Variants in SUCO observed in about 807,000 individuals in gnomAD.
The protein encoded by SUCO is SUN domain-containing ossification factor.
In SUCO, 57 loss-of-function variants were observed where a neutral mutation model predicts 148.1. The ratio of observed to expected loss-of-function variants is 0.38; its 90% confidence interval spans 0.31 to 0.48. SUCO has a LOEUF of 0.48. Ranked by LOEUF, SUCO falls within the 20% of genes least tolerant of loss-of-function variation. The pLI is 0.96. For missense variants in SUCO, 1,331 were observed against 1,468.2 expected (o/e 0.91, Z 1.53); for synonymous variants, 470 against 502.7 (o/e 0.93, Z 0.87).
intron 1 of SUCO, among the ~76,000 whole-genome samples, chr1:172,548,766 G>C (rs1653058388): frequency 6.6e-6 from 1 of 151,914 alleles, no homozygotes; most frequent in African/African-American, 2.4e-5. Context: ...CTTCTTTTGA[G>C]GCTTTAGTTT....
intron 23 of SUCO, 74 bp from the exon 24 acceptor site, chr1:172,609,742 C>T: frequency 1.3e-6 from 2 of 1,524,464 alleles, no homozygotes; most frequent in Admixed American, 4.6e-5. Context: ...TCTCTATTAG[C>T]TCAGCTCTCT....
At position 172,592,892 on chromosome 1, in the gene SUCO, G is replaced by A. The variant is rs151064514; in HGVS notation, c.2913+1821G>A. 1.7e-3 allele frequency among the ~76,000 whole-genome samples: 258 copies of A among 152,190 alleles called. 1 individual carries two copies. In the East Asian group the frequency reaches 0.044, roughly 26 times the overall value. On this transcript the variant is annotated intron_variant, in intron 19 of 23. Coordinates refer to ENST00000263688, the MANE Select transcript of SUCO (RefSeq NM_014283.5). ...CAGTATGGCCATTTTCACGATATTG[G>A]TTCTTCCTACCCATGAACATGGGAT... is the stretch of plus-strand genomic sequence containing the variant.
intron 22 of SUCO, chr1:172,603,159 C>G (rs1250637290): frequency 5.9e-6 from 1 of 170,288 alleles, no homozygotes; most frequent in Non-Finnish European, 1.2e-5. Context: ...AGGTAGGACC[C>G]CTTTTGTCTC....
chr1:172,592,609 G>T (rs1656752747), intron 19 of SUCO, among the ~76,000 whole-genome samples: 1 of 152,114 alleles, frequency 6.6e-6, no homozygotes, highest in African/African-American at 2.4e-5. Context: ...TTATTTCTGA[G>T]GGTTCTGTTC....
chr1:172,600,029 T>C (rs1462667396), intron 19 of SUCO, 35 bp from the exon 20 acceptor site: 1 of 1,379,248 alleles, frequency 7.3e-7, no homozygotes, highest in East Asian at 2.5e-5. Flanking sequence ...AGTTTGTAGT[T>C]AATATTCAAA....
At chr1:172,608,466 T>C (rs370984097) in intron 22 of SUCO, 11 of 411,162 alleles carry the variant, frequency 2.7e-5, no homozygotes, top group African/African-American at 1.3e-4. Context: ...AGATCGTTAT[T>C]GTATTGGTTG....
chr1:172,558,236 A>G (rs556289745), intron 6 of SUCO, among the ~76,000 whole-genome samples: 1 of 152,314 alleles, frequency 6.6e-6, no homozygotes, highest in African/African-American at 2.4e-5. Flanking sequence ...TTTGTGTGCA[A>G]AATACAACCA....
In SUCO at chr1:172,539,027, G is replaced by A. The variant is rs193243335; in HGVS notation, c.62+5530G>A. 6.6e-5 allele frequency among the ~76,000 whole-genome samples: 10 copies of A among 152,314 alleles called. No homozygotes were observed. The East Asian group carries it at 1.7e-3, about 26-fold the overall frequency. The stretch of plus-strand genomic sequence containing the variant: ...ATGGAAGCAGGCAGTAGGGTTGACA[G>A]GCAATGGAAAAAATAAAAGGTATCA... On this transcript the variant is annotated intron_variant, in intron 1 of 23. Coordinates refer to ENST00000263688, the MANE Select transcript of SUCO (RefSeq NM_014283.5).
At chr1:172,597,241 T>G (rs1000384572) in intron 19 of SUCO, among the ~76,000 whole-genome samples, 12 of 152,246 alleles carry the variant, frequency 7.9e-5, no homozygotes, top group Non-Finnish European at 1.6e-4. Context: ...TTCCCGGGTG[T>G]GGCGGTGCCC....
Position 172,533,392 on chromosome 1 carries a change from G to A in SUCO, c.-44G>A, listed in dbSNP as rs754234840. The A allele has an allele frequency of 2.6e-6, 4 of 1,551,878 alleles. No individual in the cohort carries two copies. The South Asian group carries it at 3.6e-5, about 14-fold the overall frequency. ...CTTGGCCTCGGCAGTGGCGGCTGCC[G>A]GGAGGATGTGCCGCCTTCTGGCAGG... On this transcript the variant is annotated 5_prime_UTR_variant, in exon 1 of 24. Transcript: ENST00000263688.
In SUCO at chr1:172,555,920, G is replaced by T. The variant is rs1245099099; in HGVS notation, c.340G>T (p.Val114Phe). ...ACCGGTGGTGGAGACACTCCCTACA[G>T]TTGATTTGCATGAAGAGTCTTCCAA... ...SPPVVETLPTVDLHEESSNAV... is the reference protein window; with the variant it reads ...SPPVVETLPTFDLHEESSNAV... The change falls in exon 4 of 24, where the codon GTT (valine) becomes TTT (phenylalanine). Residue 114 changes from valine (V) to phenylalanine (F), a missense_variant. Transcript: ENST00000263688. 1 of 1,613,274 alleles carries T rather than the reference G, an allele frequency of 6.2e-7. No homozygotes were observed. Among genetic ancestry groups the T allele is most frequent in the Admixed American group, 1.7e-5 (1 of 59,984 alleles).
rs3214151 is a variant in SUCO, at chr1:172,585,976, AT to A, written c.1658+32del. On this transcript the variant is annotated intron_variant, in intron 17 of 23. Coordinates refer to ENST00000263688, the MANE Select transcript of SUCO (RefSeq NM_014283.5). ...AAGTTATAATGTGATATTAAATAGAATTTTGTTACAATGGAGAGATAAGTAT... is the reference window on the plus strand; with the variant it reads ...AAGTTATAATGTGATATTAAATAGAATTTGTTACAATGGAGAGATAAGTAT... 2.8e-6 allele frequency: 4 copies of A among 1,440,462 alleles called. No individual in the cohort carries two copies. The East Asian group carries it at 9.2e-5, about 33-fold the overall frequency. The allele number at this position is 1,440,462 out of a possible 1,614,324, so 89.2% of individuals were successfully genotyped here.
chr1:172,581,469 T>C (rs1174394283), intron 15 of SUCO, among the ~76,000 whole-genome samples: 2 of 152,186 alleles, frequency 1.3e-5, no homozygotes, highest in African/African-American at 4.8e-5. Flanking sequence ...TAAAACTTTA[T>C]AGACTTGGCC....
At chr1:172,576,537 T>C (rs1386909612) in intron 11 of SUCO, among the ~76,000 whole-genome samples, 2 of 151,740 alleles carry the variant, frequency 1.3e-5, no homozygotes, top group Non-Finnish European at 3.0e-5. Flanking sequence ...AATTAAGGAA[T>C]GTTTTCAATT....
chr1:172,552,594 T>C (rs1571197042), intron 2 of SUCO: 3 of 973,996 alleles, frequency 3.1e-6, no homozygotes, highest in Non-Finnish European at 3.7e-6. Flanking sequence ...ATTTAAGTTA[T>C]GTTGGATATA....
In SUCO at chr1:172,602,790, A is replaced by C. The variant is rs191975453; in HGVS notation, c.3265+3A>C. On this transcript the variant is annotated splice_donor_region_variant and intron_variant, in intron 22 of 23. Transcript: ENST00000263688. Reference sequence around the variant, plus strand: ...TCTACAGTTAACTGGCAAAGAAGGTAGATTTCTGTGGATATATAATATGTA... The same window carrying C: ...TCTACAGTTAACTGGCAAAGAAGGTCGATTTCTGTGGATATATAATATGTA... The C allele has an allele frequency of 6.2e-7, 1 of 1,605,318 alleles. No individual in the cohort carries two copies. Among genetic ancestry groups the C allele is most frequent in the East Asian group, 2.2e-5 (1 of 44,792 alleles).
At chr1:172,558,883 T>A (rs1478399523) in intron 6 of SUCO, among the ~76,000 whole-genome samples, 1 of 152,214 alleles carries the variant, frequency 6.6e-6, no homozygotes, top group East Asian at 1.9e-4. Context: ...CTTAGCAGAC[T>A]GAAATTTCTT....
intron 15 of SUCO, chr1:172,584,219 C>CT (rs1225802363): frequency 7.7e-5 from 13 of 167,902 alleles, no homozygotes; most frequent in Non-Finnish European, 1.2e-4. Flanking sequence ...ATGTTTTCTG[C>CT]TTTTTTTTGG....
chr1:172,611,466 G>T lies in SUCO; in HGVS notation c.*1207G>T, dbSNP rs2149277388. 1 of 152,706 alleles carries T rather than the reference G, an allele frequency of 6.5e-6. No homozygotes were observed. Among genetic ancestry groups the T allele is most frequent in the East Asian group, 1.9e-4 (1 of 5,180 alleles). The allele number at this position is 152,706 out of a possible 1,614,324, so 9.5% of individuals were successfully genotyped here. On this transcript the variant is annotated 3_prime_UTR_variant, in exon 24 of 24. Transcript: ENST00000263688. ...GACCATTTATTGTTGTGATGTTTAA[G>T]TTATAACTTATTGAGCACTTTTAGT...
Sources: allele counts gnomAD v4.1 joint callset (sites outside exome capture counted in the v4.1 genomes callset), GRCh38; gene constraint gnomAD v4.1.1; transcripts MANE v1.5; gene names NCBI Gene and HGNC (gene_info 2026-07-23, HGNC 2026-07-21).